STPG2: variants seen among roughly 807,000 people sequenced by gnomAD.
STPG2 encodes the protein sperm tail PG-rich repeat containing 2, also known as sperm-tail PG-rich repeat-containing protein 2.
A neutral mutation model predicts 54.2 loss-of-function variants in STPG2; 56 were observed. That is an observed-to-expected ratio of 1.03 (90% confidence interval 0.83 to 1.29). The LOEUF is 1.29. STPG2 is among the 50% of genes most tolerant of loss of function. The probability of loss-of-function intolerance (pLI) is 0.00; values close to 1 mark genes in which losing one functional copy is unlikely to be tolerated. For missense variants in STPG2, 596 were observed against 544.9 expected, an observed-to-expected ratio of 1.09 and a Z score of -0.93; for synonymous variants, 200 against 181.8, an observed-to-expected ratio of 1.10 and a Z score of -0.81.
In STPG2 at chr4:97,684,230, A is replaced by G. The variant is rs372346136; in HGVS notation, c.1320+28469T>C. On this transcript the variant is annotated intron_variant, in intron 10 of 10. Transcript: ENST00000295268. ...AAAATCTCAGAAAGTTACCTGGTGG[A>G]TATCAATAAACATTCTAAAGTTTGT... Among the ~76,000 whole-genome samples, 7 of 152,054 alleles carry G rather than the reference A, an allele frequency of 4.6e-5. No individual in the cohort carries two copies. The East Asian group carries it at 1.2e-3, about 25-fold the overall frequency.
intron 10 of STPG2, among the ~76,000 whole-genome samples, chr4:97,598,673 A>C (rs1162416958): frequency 6.6e-6 from 1 of 152,206 alleles, no homozygotes; most frequent in African/African-American, 2.4e-5. Context: ...CAACGGGAAA[A>C]TAATTCCCTA....
intron 9 of STPG2, among the ~76,000 whole-genome samples, chr4:97,770,316 A>G (rs1726179965): frequency 6.6e-6 from 1 of 152,196 alleles, no homozygotes. Context: ...GAAAGGCTTC[A>G]CTGTAAGCTG....
chr4:97,740,017 G>A (rs927786010), intron 9 of STPG2, among the ~76,000 whole-genome samples: 6 of 152,028 alleles, frequency 3.9e-5, no homozygotes, highest in Non-Finnish European at 7.4e-5. Context: ...TATCCACCAT[G>A]ATCAAGTGGG....
chr4:97,623,637 C>T (rs1333989622), intron 10 of STPG2, among the ~76,000 whole-genome samples: 2 of 151,886 alleles, frequency 1.3e-5, no homozygotes, highest in Non-Finnish European at 2.9e-5. Context: ...TAAAAAATTT[C>T]ACTTTATTTT....
chr4:98,085,091 C>T (rs1431691767), intron 5 of STPG2, among the ~76,000 whole-genome samples: 1 of 152,012 alleles, frequency 6.6e-6, no homozygotes, highest in African/African-American at 2.4e-5. Flanking sequence ...ATCTATGACC[C>T]ATTTTGAATT....
intron 9 of STPG2, among the ~76,000 whole-genome samples, chr4:97,783,643 C>G (rs559864639): frequency 1.3e-5 from 2 of 152,180 alleles, no homozygotes; most frequent in South Asian, 2.1e-4. Context: ...TACTGCGGCA[C>G]TATTCACAAT....
At chr4:97,890,892 CAAAT>C (rs1207742809) in intron 8 of STPG2, among the ~76,000 whole-genome samples, 1 of 151,458 alleles carries the variant, frequency 6.6e-6, no homozygotes, top group East Asian at 1.9e-4. Context: ...ACTATATAAA[CAAAT>C]TAATATATAA....
chr4:97,904,554 C>A (rs1578673987), intron 8 of STPG2, among the ~76,000 whole-genome samples: 1 of 152,362 alleles, frequency 6.6e-6, no homozygotes, highest in East Asian at 1.9e-4. Flanking sequence ...TCCTGCCTCT[C>A]CTCCTCCAAA....
intron 8 of STPG2, among the ~76,000 whole-genome samples, chr4:97,851,078 C>T (rs1254510401): frequency 6.6e-6 from 1 of 152,136 alleles, no homozygotes; most frequent in African/African-American, 2.4e-5. Context: ...AATTCATTAG[C>T]TCTTTCAGCT....
At chr4:97,808,329 C>T (rs1047046517) in intron 9 of STPG2, among the ~76,000 whole-genome samples, 4 of 151,434 alleles carry the variant, frequency 2.6e-5, no homozygotes, top group Non-Finnish European at 5.9e-5. Flanking sequence ...TTGAGGAAAA[C>T]GATAAACAAA....
intron 4 of STPG2, among the ~76,000 whole-genome samples, chr4:97,536,210 A>C (rs947864676): frequency 5.9e-5 from 9 of 152,170 alleles, no homozygotes; most frequent in Non-Finnish European, 1.3e-4. Flanking sequence ...ATTGCACTTA[A>C]CATGATTTCT....
chr4:97,903,908 G>T (rs537961356), intron 8 of STPG2, among the ~76,000 whole-genome samples: 1 of 152,158 alleles, frequency 6.6e-6, no homozygotes, highest in Admixed American at 6.5e-5. Context: ...AAAAAATGGC[G>T]CACCACGAGA....
At chr4:97,857,813 G>A (rs1729382276) in intron 8 of STPG2, among the ~76,000 whole-genome samples, 1 of 151,916 alleles carries the variant, frequency 6.6e-6, no homozygotes, top group Admixed American at 6.6e-5. Context: ...AAGGAAATCA[G>A]AATTCTATCA....
intron 5 of STPG2, among the ~76,000 whole-genome samples, chr4:98,101,613 G>A (rs1739039197): frequency 6.6e-6 from 1 of 152,064 alleles, no homozygotes; most frequent in South Asian, 2.1e-4. Flanking sequence ...CAACGCAAGA[G>A]CAGCAGCGTA....
chr4:98,094,411 A>G (rs1023211903), intron 5 of STPG2, among the ~76,000 whole-genome samples: 6 of 151,880 alleles, frequency 4.0e-5, no homozygotes, highest in Non-Finnish European at 8.8e-5. Context: ...GGCTTCAGTG[A>G]CAACCCAGCA....
chr4:97,556,246 T>A (rs1348000253), downstream of STPG2, among the ~76,000 whole-genome samples: 1 of 152,156 alleles, frequency 6.6e-6, no homozygotes, highest in Non-Finnish European at 1.5e-5. Context: ...AAGTGGTCAT[T>A]AGAGTAAATG....
At chr4:97,994,932 T>C (rs1735155285) in intron 5 of STPG2, among the ~76,000 whole-genome samples, 1 of 152,004 alleles carries the variant, frequency 6.6e-6, no homozygotes, top group Non-Finnish European at 1.5e-5. Context: ...TGGGGCAGAG[T>C]TAGGCGTGTC....
intron 4 of STPG2, among the ~76,000 whole-genome samples, chr4:97,445,469 C>A (rs1223257841): frequency 6.6e-6 from 1 of 152,092 alleles, no homozygotes; most frequent in East Asian, 1.9e-4. Context: ...CAAAAATAAT[C>A]TTAATAGTAT....
intron 4 of STPG2, among the ~76,000 whole-genome samples, chr4:97,538,444 G>T (rs938709520): frequency 2.6e-5 from 4 of 152,268 alleles, no homozygotes; most frequent in African/African-American, 4.8e-5. Context: ...GGATATCAGG[G>T]ATCGAAGATC....
Sources: gnomAD v4.1 joint callset for allele counts (sites outside exome capture counted in the v4.1 genomes callset) on GRCh38, gnomAD v4.1.1 for gene constraint, MANE v1.5 for transcripts, NCBI Gene and HGNC (gene_info 2026-07-23, HGNC 2026-07-21) for gene names.